Variants in TMEM44 observed in about 807,000 individuals in gnomAD.
TMEM44 encodes transmembrane protein 44.
A neutral mutation model predicts 47.8 loss-of-function variants in TMEM44; 43 were observed. The observed-to-expected ratio is 0.90, with a 90% CI of 0.70 to 1.16. The LOEUF is 1.16. TMEM44 is among the 50% of genes most tolerant of loss of function. TMEM44 has a pLI of 0.00. For missense variants in TMEM44, 568 were observed against 555.2 expected (o/e 1.02, Z -0.23); for synonymous variants, 277 against 238.8 (o/e 1.16, Z -1.48).
chr3:194,598,238 C>A (rs1713652562), intron 9 of TMEM44, among the ~76,000 whole-genome samples: 1 of 152,180 alleles, frequency 6.6e-6, no homozygotes, highest in African/African-American at 2.4e-5. Context: ...CCCCACATGC[C>A]CACGGTCCTG....
In TMEM44 at chr3:194,588,028, CTG is replaced by C. The variant is rs1712068413; in HGVS notation, c.*499_*500del. The C allele has an allele frequency of 6.5e-6, 1 of 153,940 alleles. No homozygotes were observed. The highest frequency in any genetic ancestry group is 6.5e-5 in the Admixed American group (1 of 15,432). 9.5% of individuals were successfully genotyped at this position (153,940 alleles called of 1,614,324 possible). ...TCCAGCAGATAACCCAAGTGGGTGA[CTG>C]GGGGGTGGAAGCCAGGTCTCGGTTC... On this transcript the variant is annotated 3_prime_UTR_variant, in exon 10 of 10. Transcript: ENST00000347147.
At chr3:194,606,581 G>A (rs1174523615) in intron 8 of TMEM44, among the ~76,000 whole-genome samples, 3 of 151,992 alleles carry the variant, frequency 2.0e-5, no homozygotes, top group Non-Finnish European at 4.4e-5. Context: ...AGGATCTTGG[G>A]CAAGTTACTT....
rs950329404 is a variant in TMEM44 at position 194,623,385 on chromosome 3, C to T, written c.526-75G>A. The T allele has an allele frequency of 4.6e-6, 7 of 1,521,648 alleles. No homozygotes were observed. The African/African-American group carries it at 5.6e-5, about 12-fold the overall frequency. 94.3% of individuals were successfully genotyped at this position (1,521,648 alleles called of 1,614,324 possible). ...CATGTGCCCCAAGAAACAGCCAAAG[C>T]TCAGGAGTCCTTTTCTGCTTTTAGA... is the stretch of plus-strand genomic sequence containing the variant. On this transcript the variant is annotated intron_variant, in intron 4 of 9. Transcript: ENST00000347147.
At position 194,606,715 on chromosome 3, in the gene TMEM44, G is replaced by A. The variant is rs191356938; in HGVS notation, c.1018-2270C>T. 5.4e-3 allele frequency among the ~76,000 whole-genome samples: 820 copies of A among 152,160 alleles called. 4 individuals are homozygous for A. Among genetic ancestry groups the A allele is most frequent in the African/African-American group, 0.019 (771 of 41,492 alleles). On this transcript the variant is annotated intron_variant, in intron 8 of 9. Coordinates refer to ENST00000347147, the MANE Select transcript of TMEM44 (RefSeq NM_001011655.3). ...AGCACTTTGGGAGGCCGAGGCAGGC[G>A]GATCACTTGAGGTCAGGAGTTTGAG...
rs1278117647 is a variant in TMEM44 at position 194,588,145 on chromosome 3, C to T, written c.*384G>A. On this transcript the variant is annotated 3_prime_UTR_variant, in exon 10 of 10. Coordinates refer to ENST00000347147, the MANE Select transcript of TMEM44 (RefSeq NM_001011655.3). ...CAGAATGGGCTCTGCTGAGATCTAACCAGACACATTTGCTATCTGTTAGGT... is the reference window on the plus strand; with the variant it reads ...CAGAATGGGCTCTGCTGAGATCTAATCAGACACATTTGCTATCTGTTAGGT... The T allele has an allele frequency of 5.3e-6, 1 of 188,696 alleles. No homozygotes were observed. Among genetic ancestry groups the T allele is most frequent in the Non-Finnish European group, 1.1e-5 (1 of 90,472 alleles). 11.7% of individuals were successfully genotyped at this position (188,696 alleles called of 1,614,324 possible).
chr3:194,602,474 C>T (rs1714252051), intron 9 of TMEM44, among the ~76,000 whole-genome samples: 1 of 152,086 alleles, frequency 6.6e-6, no homozygotes, highest in African/African-American at 2.4e-5. Flanking sequence ...TGGTGGTGGG[C>T]ACCTGTAATC....
intron 9 of TMEM44, among the ~76,000 whole-genome samples, chr3:194,593,460 T>C (rs950001583): frequency 2.0e-5 from 3 of 152,140 alleles, no homozygotes; most frequent in African/African-American, 4.8e-5. Context: ...AAAACTGAGA[T>C]GCCAATAAAA....
intron 9 of TMEM44, 134 bp downstream of exon 9, chr3:194,604,153 C>T: frequency 8.4e-7 from 1 of 1,194,638 alleles, no homozygotes; most frequent in South Asian, 1.5e-5. Context: ...CGCGCCTGGC[C>T]TCATTCATTA....
chr3:194,593,332 C>T (rs943511502), intron 9 of TMEM44, among the ~76,000 whole-genome samples: 3 of 152,068 alleles, frequency 2.0e-5, no homozygotes, highest in Non-Finnish European at 2.9e-5. Context: ...TACAATCTAT[C>T]AAGATTTAAA....
chr3:194,610,381 CCAG>C (rs1715186420), intron 8 of TMEM44, among the ~76,000 whole-genome samples: 1 of 152,118 alleles, frequency 6.6e-6, no homozygotes, highest in Admixed American at 6.5e-5. Flanking sequence ...TCTTTGAAAA[CCAG>C]CAGAAGCAGA....
At chr3:194,590,060 T>A (rs1239673234) in intron 9 of TMEM44, 1 of 152,214 alleles carries the variant, frequency 6.6e-6, no homozygotes, top group African/African-American at 2.4e-5. Flanking sequence ...GGCATGGACA[T>A]GCTCTCCAAG....
rs375997756 is a variant in TMEM44, at chr3:194,614,263, C to T, written c.912+1306G>A. On this transcript the variant is annotated intron_variant, in intron 7 of 9. Transcript: ENST00000347147. ...ACTTTCTAGAGGCAGCATCACAAGC[C>T]GATTTCCAAAGGCTGGATCATGTAG... Among the ~76,000 whole-genome samples, 312 of 152,274 alleles carry T rather than the reference C, an allele frequency of 2.0e-3. 3 individuals are homozygous for T. The highest frequency in any genetic ancestry group is 7.1e-3 in the African/African-American group (296 of 41,554).
chr3:194,626,090 T>C lies in TMEM44; in HGVS notation c.265-100A>G, dbSNP rs1560199192. The C allele has an allele frequency of 3.2e-5, 29 of 893,916 alleles. No homozygotes were observed. In the South Asian group the frequency reaches 3.6e-4, roughly 11 times the overall value. 55.4% of individuals were successfully genotyped at this position (893,916 alleles called of 1,614,324 possible). A position where few individuals can be genotyped will look rare whatever the true frequency, so the allele number is the denominator to read the frequency against. On this transcript the variant is annotated intron_variant, in intron 2 of 9. Transcript: ENST00000347147. ...CCCTGTATCACATGGGTTACACTGA[T>C]GCGGTGCTTTCTTACGTACTCCTCC...
In TMEM44 at chr3:194,628,506, A is replaced by G. The variant is rs543192286; in HGVS notation, c.141T>C (p.Leu47=). The change falls in exon 2 of 10, where the codon CTT becomes CTC. Residue 47 remains leucine (L), a synonymous_variant. Transcript: ENST00000347147. Reference sequence around the variant, plus strand: ...GTTTCTGTGCACATCTCAGATAGAGAAGCCTGGGGTGACAGGGGTGTGGAC... The same window carrying G: ...GTTTCTGTGCACATCTCAGATAGAGGAGCCTGGGGTGACAGGGGTGTGGAC... ...SSCWIAAHAL[L]LYLRCAQKPR... 21 of 1,612,140 alleles carry G rather than the reference A, an allele frequency of 1.3e-5. No individual in the cohort carries two copies. In the South Asian group the frequency reaches 2.2e-4, roughly 17 times the overall value.
chr3:194,609,724 G>A (rs996446902), intron 8 of TMEM44, among the ~76,000 whole-genome samples: 5 of 151,778 alleles, frequency 3.3e-5, no homozygotes, highest in Non-Finnish European at 4.4e-5. Flanking sequence ...TTCCCAACTC[G>A]CTCAACTCTG....
In TMEM44 at chr3:194,626,108, A is replaced by G. The variant is rs1431443196; in HGVS notation, c.265-118T>C. Reference sequence around the variant, plus strand: ...ACACTGATGCGGTGCTTTCTTACGTACTCCTCCAGGGACACCTCCTGCCAA... The same window carrying G: ...ACACTGATGCGGTGCTTTCTTACGTGCTCCTCCAGGGACACCTCCTGCCAA... On this transcript the variant is annotated intron_variant, in intron 2 of 9. Transcript: ENST00000347147. 3 of 744,920 alleles carry G rather than the reference A, an allele frequency of 4.0e-6. No individual in the cohort carries two copies. In the African/African-American group the frequency reaches 5.2e-5, roughly 13 times the overall value. The allele number at this position is 744,920 out of a possible 1,614,324, so 46.1% of individuals were successfully genotyped here. A position where few individuals can be genotyped will look rare whatever the true frequency, so the allele number is the denominator to read the frequency against.
intron 7 of TMEM44, among the ~76,000 whole-genome samples, chr3:194,612,969 A>G (rs2109187171): frequency 6.6e-6 from 1 of 152,288 alleles, no homozygotes; most frequent in South Asian, 2.1e-4. Flanking sequence ...AAGTCCTTAC[A>G]AGCTTTCTTT....
intron 1 of TMEM44, 24 bp downstream of exon 1, chr3:194,633,054 GC>G (rs1717990535): frequency 6.5e-7 from 1 of 1,545,398 alleles, no homozygotes; most frequent in East Asian, 2.5e-5. Context: ...CCGCCCGACA[GC>G]CCCCCGACCC....
At chr3:194,627,464 T>C (rs1052728883) in intron 2 of TMEM44, among the ~76,000 whole-genome samples, 2 of 152,082 alleles carry the variant, frequency 1.3e-5, no homozygotes, top group Admixed American at 1.3e-4. Context: ...CCTACGCTTT[T>C]GAGAAACTTG....
Sources: gnomAD v4.1 joint callset for allele counts (sites outside exome capture counted in the v4.1 genomes callset) on GRCh38, gnomAD v4.1.1 for gene constraint, MANE v1.5 for transcripts, NCBI Gene and HGNC (gene_info 2026-07-23, HGNC 2026-07-21) for gene names.